Variants in TMEM163 observed in about 807,000 individuals in gnomAD.
TMEM163 encodes the protein transmembrane protein 163.
In TMEM163, 17 loss-of-function variants were observed where a neutral mutation model predicts 29.3. The observed-to-expected ratio is 0.58, with a 90% CI of 0.40 to 0.87. TMEM163 has a LOEUF of 0.87. Ranked by LOEUF, TMEM163 falls within the 40% of genes least tolerant of loss-of-function variation. The probability of loss-of-function intolerance (pLI) is 0.00; values close to 1 mark genes in which losing one functional copy is unlikely to be tolerated. For synonymous variants in TMEM163, 157 were observed against 160.6 expected (o/e 0.98, Z 0.17); for missense variants, 303 against 381.5 (o/e 0.79, Z 1.71).
At chr2:134,628,729 C>T (rs1184963594) in intron 2 of TMEM163, among the ~76,000 whole-genome samples, 1 of 152,226 alleles carries the variant, frequency 6.6e-6, no homozygotes, top group Non-Finnish European at 1.5e-5. Context: ...TTCTCTTGAC[C>T]TCACCCCATG....
At chr2:134,612,535 T>A (rs1437908075) in intron 2 of TMEM163, among the ~76,000 whole-genome samples, 1 of 43,934 alleles carries the variant, frequency 2.3e-5, no homozygotes, top group Non-Finnish European at 4.9e-5. Context: ...TAATGAAGGT[T>A]TGCCCCAACA....
chr2:134,541,230 T>G (rs1680659085), intron 4 of TMEM163, among the ~76,000 whole-genome samples: 1 of 152,222 alleles, frequency 6.6e-6, no homozygotes. Flanking sequence ...CCAAAAGAAA[T>G]GCAAATGCTC....
At chr2:134,655,101 C>A (rs1683569132) in intron 2 of TMEM163, among the ~76,000 whole-genome samples, 1 of 132,460 alleles carries the variant, frequency 7.5e-6, no homozygotes, top group Non-Finnish European at 1.5e-5. Context: ...GCCTGCCTTG[C>A]TAGATTGGTG....
chr2:134,505,605 C>A (rs1178447605), intron 4 of TMEM163, among the ~76,000 whole-genome samples: 1 of 152,160 alleles, frequency 6.6e-6, no homozygotes, highest in Non-Finnish European at 1.5e-5. Context: ...CTATACTCTA[C>A]ACGCAATTTG....
chr2:134,528,070 A>G (rs1391721515), intron 4 of TMEM163, among the ~76,000 whole-genome samples: 1 of 152,194 alleles, frequency 6.6e-6, no homozygotes, highest in Non-Finnish European at 1.5e-5. Flanking sequence ...AGACAGAACG[A>G]AAAAGAAACA....
chr2:134,593,746 T>A (rs1207597773), intron 2 of TMEM163, among the ~76,000 whole-genome samples: 2 of 152,018 alleles, frequency 1.3e-5, no homozygotes, highest in Admixed American at 1.3e-4. Context: ...GCAGGGTTAA[T>A]CATTTCTATG....
chr2:134,487,643 T>C (rs954952142), intron 5 of TMEM163, among the ~76,000 whole-genome samples: 4 of 152,186 alleles, frequency 2.6e-5, no homozygotes, highest in African/African-American at 7.2e-5. Context: ...TAAGACTCAT[T>C]GTAATTACAG....
At chr2:134,490,903 G>A (rs1679415045) in intron 5 of TMEM163, among the ~76,000 whole-genome samples, 2 of 152,092 alleles carry the variant, frequency 1.3e-5, no homozygotes, top group South Asian at 4.1e-4. Context: ...CTCTCCATTA[G>A]CTAGACAATC....
At chr2:134,523,548 C>T (rs1329987373) in intron 4 of TMEM163, among the ~76,000 whole-genome samples, 2 of 152,158 alleles carry the variant, frequency 1.3e-5, no homozygotes, top group East Asian at 3.9e-4. Flanking sequence ...TGTCTCTCCC[C>T]CAATCTCCCC....
At chr2:134,561,092 GGCCGTCTCC>G (rs1195855096) in intron 2 of TMEM163, among the ~76,000 whole-genome samples, 5 of 152,338 alleles carry the variant, frequency 3.3e-5, no homozygotes, top group East Asian at 1.9e-4. Context: ...AGCATTTATG[GGCCGTCTCC>G]GCCGTCTCCG....
At chr2:134,592,492 C>G (rs1681959328) in intron 2 of TMEM163, among the ~76,000 whole-genome samples, 1 of 152,078 alleles carries the variant, frequency 6.6e-6, no homozygotes, top group Non-Finnish European at 1.5e-5. Context: ...AATTTAGTAT[C>G]TTATGGCCAC....
rs185626254 is a variant in TMEM163, at chr2:134,505,455, C to T, written c.459-2458G>A. 2.0e-5 allele frequency among the ~76,000 whole-genome samples: 3 copies of T among 152,146 alleles called. No individual in the cohort carries two copies. The East Asian group carries it at 5.8e-4, about 29-fold the overall frequency. On this transcript the variant is annotated intron_variant, in intron 4 of 7. Coordinates refer to ENST00000281924, the MANE Select transcript of TMEM163 (RefSeq NM_030923.5). ...GGTGACAACACAGGACTCCCTGGAA[C>T]AGAGGCTGAGATAGAAGCGACATCC... is the stretch of plus-strand genomic sequence containing the variant.
chr2:134,549,079 T>G (rs1407368746), intron 4 of TMEM163, among the ~76,000 whole-genome samples: 1 of 149,056 alleles, frequency 6.7e-6, no homozygotes, highest in Non-Finnish European at 1.5e-5. Context: ...ATCTGTAACA[T>G]CACAAGTTTG....
intron 4 of TMEM163, among the ~76,000 whole-genome samples, chr2:134,505,900 A>G (rs1679813125): frequency 6.6e-6 from 1 of 152,206 alleles, no homozygotes; most frequent in African/African-American, 2.4e-5. Flanking sequence ...AAAACTACAT[A>G]GCATGTAGCA....
chr2:134,630,520 AGAAT>A (rs1682943539), intron 2 of TMEM163, among the ~76,000 whole-genome samples: 1 of 152,214 alleles, frequency 6.6e-6, no homozygotes, highest in South Asian at 2.1e-4. Context: ...CCCCAATGCT[AGAAT>A]GGGAAAGAAA....
intron 2 of TMEM163, among the ~76,000 whole-genome samples, chr2:134,696,354 C>T (rs1243550870): frequency 6.6e-6 from 1 of 152,160 alleles, no homozygotes; most frequent in Non-Finnish European, 1.5e-5. Context: ...TATATATGCA[C>T]CTTGTTCTTG....
intron 2 of TMEM163, among the ~76,000 whole-genome samples, chr2:134,708,534 T>G (rs1483541011): frequency 6.6e-6 from 1 of 151,780 alleles, no homozygotes; most frequent in African/African-American, 2.4e-5. Context: ...AGTTCTTAAA[T>G]CTACAGCTGC....
chr2:134,495,997 C>T (rs1014623274), intron 5 of TMEM163, among the ~76,000 whole-genome samples: 4 of 152,182 alleles, frequency 2.6e-5, no homozygotes, highest in African/African-American at 9.7e-5. Context: ...ATTCATCCAC[C>T]ATGAATAGAA....
chr2:134,676,499 T>C (rs1684119007), intron 2 of TMEM163, among the ~76,000 whole-genome samples: 1 of 152,194 alleles, frequency 6.6e-6, no homozygotes, highest in Non-Finnish European at 1.5e-5. Context: ...TCTTTATTGA[T>C]ATACAATTTA....
Sources: allele counts gnomAD v4.1 joint callset (sites outside exome capture counted in the v4.1 genomes callset), GRCh38; gene constraint gnomAD v4.1.1; transcripts MANE v1.5; gene names NCBI Gene and HGNC (gene_info 2026-07-23, HGNC 2026-07-21).